SAMD5: variants seen among roughly 807,000 people sequenced by gnomAD.
SAMD5 encodes sterile alpha motif domain-containing protein 5.
Under a neutral mutation model 11.3 loss-of-function variants are expected in SAMD5, and 13 were observed. That is an observed-to-expected ratio of 1.15 (90% confidence interval 0.75 to 1.83). The LOEUF is 1.83. Ranked by LOEUF, SAMD5 falls within the 40% of genes most tolerant of loss-of-function variation. The pLI, the probability that SAMD5 is intolerant of heterozygous loss-of-function variation, is 0.00. For synonymous variants in SAMD5, 129 were observed against 111.3 expected, an observed-to-expected ratio of 1.16 and a Z score of -1.00; for missense variants, 255 against 239.1, an observed-to-expected ratio of 1.07 and a Z score of -0.44.
At chr6:147,883,783 G>T in the SAMD5 span, among the ~76,000 whole-genome samples, 1 of 152,160 alleles carries the variant, frequency 6.6e-6, no homozygotes, top group Admixed American at 6.5e-5. Flanking sequence ...AGGTTTTGAT[G>T]TTCTAATATC....
intron 1 of SAMD5, among the ~76,000 whole-genome samples, chr6:147,727,727 A>G (rs900299553): frequency 6.6e-6 from 1 of 152,126 alleles, no homozygotes; most frequent in African/African-American, 2.4e-5. Context: ...GGTGAAAACA[A>G]CAATTATCCT....
intron 1 of SAMD5, among the ~76,000 whole-genome samples, chr6:147,549,765 G>A (rs570302817): frequency 1.7e-4 from 26 of 151,984 alleles, no homozygotes; most frequent in African/African-American, 6.0e-4. Flanking sequence ...GAACCAACTT[G>A]AACATTATCC....
At chr6:147,735,345 A>ATTT (rs1469097158) in intron 1 of SAMD5, among the ~76,000 whole-genome samples, 106 of 151,500 alleles carry the variant, frequency 7.0e-4, no homozygotes, top group Admixed American at 1.4e-3. Context: ...TGTGGCTTTG[A>ATTT]TTGTTATCGG....
At chr6:147,638,836 G>T (rs2128452134) in intron 1 of SAMD5, among the ~76,000 whole-genome samples, 2 of 152,246 alleles carry the variant, frequency 1.3e-5, no homozygotes, top group East Asian at 3.9e-4. Flanking sequence ...AATTGATTTT[G>T]TGTTACCTGT....
the SAMD5 span, among the ~76,000 whole-genome samples, chr6:147,945,931 C>G: frequency 6.6e-6 from 1 of 152,142 alleles, no homozygotes; most frequent in East Asian, 1.9e-4. Context: ...CAGCTTATTA[C>G]TGGGAGGTGA....
At chr6:147,879,325 G>T in the SAMD5 span, among the ~76,000 whole-genome samples, 41 of 152,308 alleles carry the variant, frequency 2.7e-4, no homozygotes, top group African/African-American at 9.1e-4. Context: ...GATGCCTTAA[G>T]CTTAGTGCCC....
the SAMD5 span, among the ~76,000 whole-genome samples, chr6:147,941,852 GGTTTGTTTGTTT>G: frequency 1.5e-5 from 2 of 132,712 alleles, no homozygotes; most frequent in Non-Finnish European, 3.4e-5. Flanking sequence ...GTGTGAAGTT[GGTTTGTTTGTTT>G]GTTTGTTTGT....
At chr6:147,734,061 G>A (rs1791757426) in intron 1 of SAMD5, among the ~76,000 whole-genome samples, 1 of 152,070 alleles carries the variant, frequency 6.6e-6, no homozygotes, top group South Asian at 2.1e-4. Context: ...TATAAGATAA[G>A]TTTTTCCTTA....
At chr6:147,728,753 T>G (rs886644069) in intron 1 of SAMD5, among the ~76,000 whole-genome samples, 7 of 152,200 alleles carry the variant, frequency 4.6e-5, no homozygotes, top group Non-Finnish European at 8.8e-5. Flanking sequence ...TTTTTCTATA[T>G]AAAACTCTAA....
intron 1 of SAMD5, among the ~76,000 whole-genome samples, chr6:147,530,668 CAG>C (rs1423424512): frequency 2.6e-5 from 4 of 152,184 alleles, no homozygotes; most frequent in Admixed American, 6.5e-5. Context: ...ACCTTGCAGA[CAG>C]GGGAATTCCT....
the SAMD5 span, among the ~76,000 whole-genome samples, chr6:147,866,645 T>C: frequency 9.9e-5 from 15 of 152,162 alleles, no homozygotes; most frequent in Non-Finnish European, 1.9e-4. Flanking sequence ...ACAAATGTTA[T>C]GAAAAAATAC....
chr6:147,821,758 C>G, the SAMD5 span, among the ~76,000 whole-genome samples: 1 of 152,132 alleles, frequency 6.6e-6, no homozygotes, highest in Admixed American at 6.5e-5. Context: ...AACTTTTGTT[C>G]ATTTGGTTGC....
chr6:147,687,768 G>C (rs73014007), intron 1 of SAMD5, among the ~76,000 whole-genome samples: 17,436 of 152,168 alleles, frequency 0.11, 1,085 homozygotes, highest in Middle Eastern at 0.16. Flanking sequence ...AGATGTAATT[G>C]AGTTGTCACC....
At chr6:147,943,626 T>C in the SAMD5 span, among the ~76,000 whole-genome samples, 1 of 152,120 alleles carries the variant, frequency 6.6e-6, no homozygotes. Flanking sequence ...CTTCAATAGT[T>C]TGGGATCCTC....
At chr6:147,625,017 C>T (rs557291837) in intron 1 of SAMD5, among the ~76,000 whole-genome samples, 1 of 152,290 alleles carries the variant, frequency 6.6e-6, no homozygotes, top group Admixed American at 6.5e-5. Flanking sequence ...TAGCTCAGCG[C>T]CCAGAACTCA....
In SAMD5 at chr6:147,591,862, C is replaced by T. The variant is rs578130040; in HGVS notation, c.162+82475C>T. Among the ~76,000 whole-genome samples the T allele has an allele frequency of 7.9e-5, 12 of 152,204 alleles. No homozygotes were observed. The East Asian group carries it at 2.1e-3, about 27-fold the overall frequency. ...TTCAGGTGCTTCCCCAGAGCCTTCTCAGAGTTCCTGTGCCACCTCTGAGAA... is the reference window on the plus strand; with the variant it reads ...TTCAGGTGCTTCCCCAGAGCCTTCTTAGAGTTCCTGTGCCACCTCTGAGAA... On this transcript the variant is annotated intron_variant, in intron 1 of 1. Transcript: ENST00000566741.
intron 1 of SAMD5, among the ~76,000 whole-genome samples, chr6:147,558,462 C>A (rs1377780768): frequency 6.6e-6 from 1 of 152,136 alleles, no homozygotes; most frequent in African/African-American, 2.4e-5. Context: ...ATTCGGAGAA[C>A]CTGAATCACA....
chr6:147,784,186 CTTAAA>C, the SAMD5 span, among the ~76,000 whole-genome samples: 3 of 140,414 alleles, frequency 2.1e-5, no homozygotes, highest in Non-Finnish European at 3.1e-5. Flanking sequence ...AGTTAACTTT[CTTAAA>C]TTAAGGGAAT....
chr6:147,527,958 A>G lies in SAMD5; in HGVS notation c.459+18571A>G, dbSNP rs543642175. 4.7e-4 allele frequency among the ~76,000 whole-genome samples: 71 copies of G among 152,218 alleles called. 2 individuals are homozygous for G. In the South Asian group the frequency reaches 0.014, roughly 30 times the overall value. ...GGCAAAGCAGGAGCAGGCATCTTACATGGCAGGAACAGGAGCAAGAGAGCG... is the reference window on the plus strand; with the variant it reads ...GGCAAAGCAGGAGCAGGCATCTTACGTGGCAGGAACAGGAGCAAGAGAGCG... On this transcript the variant is annotated intron_variant, in intron 1 of 1. Coordinates refer to ENST00000367474, the MANE Select transcript of SAMD5 (RefSeq NM_001030060.3).
Sources: gnomAD v4.1 joint callset for allele counts (sites outside exome capture counted in the v4.1 genomes callset) on GRCh38, gnomAD v4.1.1 for gene constraint, MANE v1.5 for transcripts, NCBI Gene and HGNC (gene_info 2026-07-23, HGNC 2026-07-21) for gene names.